MMP26: variants seen among roughly 807,000 people sequenced by gnomAD.
MMP26 encodes matrix metalloproteinase-26.
In MMP26, 33 loss-of-function variants were observed where a neutral mutation model predicts 31.0. That is an observed-to-expected ratio of 1.06 (90% CI 0.81 to 1.42). MMP26 has a LOEUF of 1.42. MMP26 is among the 40% of genes most tolerant of loss of function. The probability of loss-of-function intolerance (pLI) is 0.00; values close to 1 mark genes in which losing one functional copy is unlikely to be tolerated. For missense variants in MMP26, 347 were observed against 316.1 expected, an observed-to-expected ratio of 1.10 and a Z score of -0.74; for synonymous variants, 122 against 114.9, an observed-to-expected ratio of 1.06 and a Z score of -0.40.
intron 2 of MMP26, among the ~76,000 whole-genome samples, chr11:4,778,895 T>G (rs769274918): frequency 2.6e-5 from 4 of 152,032 alleles, no homozygotes; most frequent in Non-Finnish European, 4.4e-5. Flanking sequence ...TTTATAGACA[T>G]ACAATTGATA....
intron 1 of MMP26, among the ~76,000 whole-genome samples, chr11:4,717,969 C>T (rs1240565218): frequency 6.6e-6 from 1 of 152,176 alleles, no homozygotes; most frequent in Non-Finnish European, 1.5e-5. Context: ...CTGGCTTATA[C>T]ATAAGTATAT....
intron 2 of MMP26, among the ~76,000 whole-genome samples, chr11:4,812,334 G>A (rs1387720378): frequency 6.6e-6 from 1 of 152,074 alleles, no homozygotes; most frequent in Non-Finnish European, 1.5e-5. Context: ...TATATAAAGA[G>A]ATAGACATGT....
At chr11:4,925,525 T>C (rs1275910260) in intron 2 of MMP26, among the ~76,000 whole-genome samples, 1 of 152,040 alleles carries the variant, frequency 6.6e-6, no homozygotes, top group Admixed American at 6.6e-5. Flanking sequence ...GAGGATATTA[T>C]ATGTAGCGAT....
intron 1 of MMP26, among the ~76,000 whole-genome samples, chr11:4,731,850 G>A (rs35193973): frequency 0.018 from 2,793 of 152,220 alleles, 93 homozygotes; most frequent in African/African-American, 0.065. Context: ...TATTCACTAT[G>A]GATGGATTTC....
At chr11:4,816,146 ATGT>A (rs1174179319) in intron 2 of MMP26, among the ~76,000 whole-genome samples, 5 of 152,060 alleles carry the variant, frequency 3.3e-5, no homozygotes, top group Admixed American at 2.0e-4. Flanking sequence ...GTTCAGGAAG[ATGT>A]TGTTTAATTT....
chr11:4,706,335 G>A (rs1215567473), intron 1 of MMP26, among the ~76,000 whole-genome samples: 1 of 151,888 alleles, frequency 6.6e-6, no homozygotes, highest in Non-Finnish European at 1.5e-5. Context: ...CAAGGCAGGT[G>A]TATTCCTTGA....
intron 2 of MMP26, among the ~76,000 whole-genome samples, chr11:4,856,307 G>A (rs1850052459): frequency 6.6e-6 from 1 of 152,164 alleles, no homozygotes; most frequent in Non-Finnish European, 1.5e-5. Context: ...ACCCATCAGT[G>A]TGCTGTATTC....
intron 2 of MMP26, among the ~76,000 whole-genome samples, chr11:4,950,692 A>C (rs12273603): frequency 0.74 from 89,473 of 121,374 alleles, 38,875 homozygotes; most frequent in Middle Eastern, 0.87. Context: ...AAAAAATATT[A>C]TTATTATATA....
intron 2 of MMP26, among the ~76,000 whole-genome samples, chr11:4,770,773 G>T (rs1848705271): frequency 6.6e-6 from 1 of 152,064 alleles, no homozygotes; most frequent in Admixed American, 6.6e-5. Context: ...AACCCAGGAG[G>T]CAGAGGTTGC....
chr11:4,891,185 G>A (rs933136751), intron 2 of MMP26, among the ~76,000 whole-genome samples: 17 of 151,980 alleles, frequency 1.1e-4, no homozygotes, highest in African/African-American at 4.1e-4. Context: ...CTGAAGCTGG[G>A]TAATTTACAA....
chr11:4,965,015 A>G (rs1009958588), intron 2 of MMP26, among the ~76,000 whole-genome samples: 1 of 152,186 alleles, frequency 6.6e-6, no homozygotes, highest in Non-Finnish European at 1.5e-5. Flanking sequence ...TAGCAAATCA[A>G]CATGGTACAC....
intron 2 of MMP26, chr11:4,848,626 A>T: frequency 6.2e-7 from 1 of 1,610,550 alleles, no homozygotes; most frequent in Middle Eastern, 1.7e-4. Flanking sequence ...GGGCAGGCCA[A>T]ACGAGCCACA....
At chr11:4,913,364 G>A (rs920643930) in intron 2 of MMP26, 1 of 152,118 alleles carries the variant, frequency 6.6e-6, no homozygotes, top group African/African-American at 2.4e-5. Flanking sequence ...AGAAGACATT[G>A]TGTTCAGCCA....
intron 2 of MMP26, among the ~76,000 whole-genome samples, chr11:4,819,438 A>G (rs1437235787): frequency 6.6e-6 from 1 of 152,036 alleles, no homozygotes; most frequent in African/African-American, 2.4e-5. Flanking sequence ...TCAGAGAAAG[A>G]GCTGATTAAT....
intron 2 of MMP26, among the ~76,000 whole-genome samples, chr11:4,934,831 G>A (rs913712155): frequency 1.1e-4 from 16 of 150,830 alleles, no homozygotes; most frequent in African/African-American, 3.9e-4. Flanking sequence ...ATTAAATAGG[G>A]AATCCTTTCC....
intron 2 of MMP26, among the ~76,000 whole-genome samples, chr11:4,854,739 G>A (rs1484016340): frequency 1.3e-5 from 2 of 152,236 alleles, no homozygotes; most frequent in Non-Finnish European, 2.9e-5. Flanking sequence ...AGGAGTTTGA[G>A]ATCTGAGAAT....
intron 2 of MMP26, among the ~76,000 whole-genome samples, chr11:4,911,708 C>T (rs756733922): frequency 5.9e-5 from 9 of 152,154 alleles, no homozygotes; most frequent in Non-Finnish European, 1.2e-4. Flanking sequence ...AGAAAAGCCC[C>T]TCTTTATAGA....
At chr11:4,723,688 C>T in intron 1 of MMP26, 2 of 938,828 alleles carry the variant, frequency 2.1e-6, no homozygotes, top group South Asian at 2.6e-5. Context: ...TTGCATGTTG[C>T]CAAGCTTCAG....
rs182105517 is a variant in MMP26, at chr11:4,775,109, A to G, written c.-145+7768A>G. Among the ~76,000 whole-genome samples, 112 of 152,216 alleles carry G rather than the reference A, an allele frequency of 7.4e-4. 1 individual carries two copies. The highest frequency in any genetic ancestry group is 2.6e-3 in the African/African-American group (106 of 41,566). On this transcript the variant is annotated intron_variant, in intron 2 of 7. Coordinates refer to ENST00000380390, the MANE Select transcript of MMP26 (RefSeq NM_021801.5). ...TTGCTTAGGATTGTCTTGGCTATAC[A>G]GGCTCTTTTCTGGTTCCATATTAAT... is the stretch of plus-strand genomic sequence containing the variant.
Sources: gnomAD v4.1 joint callset for allele counts (sites outside exome capture counted in the v4.1 genomes callset) on GRCh38, gnomAD v4.1.1 for gene constraint, MANE v1.5 for transcripts, NCBI Gene and HGNC (gene_info 2026-07-23, HGNC 2026-07-21) for gene names.